Variants in ARHGAP32 observed in about 807,000 individuals in gnomAD.
The protein encoded by ARHGAP32 is Rho GTPase activating protein 32.
ARHGAP32 carries 51 observed loss-of-function variants against 186.5 expected under a neutral mutation model. That is an observed-to-expected ratio of 0.27 (90% CI 0.22 to 0.35). The LOEUF (loss-of-function observed/expected upper bound fraction) is 0.35, where lower values mean the gene tolerates loss of function less well. Ranked by LOEUF, ARHGAP32 falls within the 10% of genes least tolerant of loss-of-function variation. ARHGAP32 has a pLI of 1.00. For synonymous variants in ARHGAP32, 950 were observed against 964.3 expected, an observed-to-expected ratio of 0.99 and a Z score of 0.27; for missense variants, 2,186 against 2,623.5, an observed-to-expected ratio of 0.83 and a Z score of 3.64.
intron 6 of ARHGAP32, among the ~76,000 whole-genome samples, chr11:129,090,758 A>T (rs903159999): frequency 2.6e-5 from 4 of 152,178 alleles, no homozygotes; most frequent in African/African-American, 4.8e-5. Context: ...AGGACCTGGT[A>T]ACACTGATGT....
chr11:129,274,070 G>A (rs1377482478), intron 1 of ARHGAP32, among the ~76,000 whole-genome samples: 3 of 149,920 alleles, frequency 2.0e-5, no homozygotes, highest in African/African-American at 7.3e-5. Flanking sequence ...CTTCTATTCT[G>A]AACATTCAGA....
At chr11:129,260,608 C>T (rs557562040) in intron 1 of ARHGAP32, among the ~76,000 whole-genome samples, 1 of 152,202 alleles carries the variant, frequency 6.6e-6, no homozygotes, top group East Asian at 1.9e-4. Flanking sequence ...ATAATATTGT[C>T]TTTATCTATA....
intron 6 of ARHGAP32, among the ~76,000 whole-genome samples, chr11:129,069,130 C>T (rs1940790445): frequency 6.6e-6 from 1 of 152,030 alleles, no homozygotes. Flanking sequence ...TTAGGTACAG[C>T]ACAGCAAGCA....
chr11:129,255,172 G>C (rs1343555984), intron 1 of ARHGAP32, among the ~76,000 whole-genome samples: 2 of 152,130 alleles, frequency 1.3e-5, no homozygotes, highest in Non-Finnish European at 2.9e-5. Flanking sequence ...GAACAGCACA[G>C]TATTTGCTGA....
chr11:129,087,240 G>A (rs766398084), intron 6 of ARHGAP32, among the ~76,000 whole-genome samples: 8 of 152,140 alleles, frequency 5.3e-5, no homozygotes, highest in African/African-American at 9.7e-5. Flanking sequence ...CATGCTCCTT[G>A]GTGTTTACCC....
intron 11 of ARHGAP32, among the ~76,000 whole-genome samples, chr11:129,017,155 T>C (rs1938383829): frequency 6.6e-6 from 1 of 152,108 alleles, no homozygotes; most frequent in African/African-American, 2.4e-5. Flanking sequence ...TTCATTTTCC[T>C]CATCTATGAA....
chr11:129,229,879 G>A (rs1014596301), intron 1 of ARHGAP32, among the ~76,000 whole-genome samples: 4 of 152,004 alleles, frequency 2.6e-5, no homozygotes, highest in Admixed American at 1.3e-4. Flanking sequence ...GTAGAGTGGC[G>A]CGATCCCCTC....
Position 129,253,879 on chromosome 11 carries a change from A to C in ARHGAP32, c.-5+25267T>G, listed in dbSNP as rs1384254719. On this transcript the variant is annotated intron_variant, in intron 1 of 6. Transcript: ENST00000525234. ...CACCATATGTACCTGATCCACTAAC[A>C]GAGGAAAATTTCTGCCCATAATACA... is the stretch of plus-strand genomic sequence containing the variant. Among the ~76,000 whole-genome samples the C allele has an allele frequency of 3.3e-5, 5 of 152,272 alleles. No individual in the cohort carries two copies. The East Asian group carries it at 9.6e-4, about 29-fold the overall frequency.
intron 12 of ARHGAP32, among the ~76,000 whole-genome samples, chr11:128,988,985 C>T (rs1945958807): frequency 6.6e-6 from 1 of 152,062 alleles, no homozygotes. Flanking sequence ...TAATTAAAAT[C>T]CTTGAAAAGA....
chr11:129,179,342 G>T (rs1943995964), intron 1 of ARHGAP32, among the ~76,000 whole-genome samples: 1 of 152,190 alleles, frequency 6.6e-6, no homozygotes, highest in Non-Finnish European at 1.5e-5. Context: ...TTACACTGTT[G>T]CTGGGACTGT....
intron 11 of ARHGAP32, among the ~76,000 whole-genome samples, chr11:129,035,389 A>G (rs1428364146): frequency 6.6e-6 from 1 of 152,230 alleles, no homozygotes. Flanking sequence ...TCAGTCTCAA[A>G]CTATAGCTGT....
intron 2 of ARHGAP32, among the ~76,000 whole-genome samples, chr11:129,129,413 G>A (rs1161401206): frequency 6.9e-6 from 1 of 145,156 alleles, no homozygotes; most frequent in Non-Finnish European, 1.5e-5. Context: ...CCGGGAGGGA[G>A]GTAGGGGGCA....
At chr11:129,202,469 A>T (rs1464019818) in intron 1 of ARHGAP32, among the ~76,000 whole-genome samples, 2 of 152,200 alleles carry the variant, frequency 1.3e-5, no homozygotes, top group Non-Finnish European at 2.9e-5. Context: ...GTGCATAAAG[A>T]AGGCAATATT....
intron 1 of ARHGAP32, among the ~76,000 whole-genome samples, chr11:129,278,661 C>T (rs1195708693): frequency 6.6e-6 from 1 of 152,076 alleles, no homozygotes; most frequent in Non-Finnish European, 1.5e-5. Flanking sequence ...GGGAACTCCA[C>T]GGGAGCCTAA....
At chr11:129,145,024 C>G (rs990433125) in intron 2 of ARHGAP32, among the ~76,000 whole-genome samples, 1 of 152,126 alleles carries the variant, frequency 6.6e-6, no homozygotes, top group African/African-American at 2.4e-5. Context: ...AAATGTTATA[C>G]TTTTCTATAA....
intron 6 of ARHGAP32, among the ~76,000 whole-genome samples, chr11:129,067,906 T>C (rs1940747633): frequency 6.6e-6 from 1 of 152,050 alleles, no homozygotes; most frequent in South Asian, 2.1e-4. Flanking sequence ...CTTTGGACTG[T>C]AATCCTCCAC....
Position 129,045,595 on chromosome 11 carries a change from C to A in ARHGAP32, c.964-4586G>T, listed in dbSNP as rs1939775252. Among the ~76,000 whole-genome samples, 2 of 152,200 alleles carry A rather than the reference C, an allele frequency of 1.3e-5. 1 individual carries two copies. Among genetic ancestry groups the A allele is most frequent in the South Asian group, 4.1e-4 (2 of 4,832 alleles). On this transcript the variant is annotated intron_variant, in intron 10 of 22. Coordinates refer to ENST00000682385, the MANE Select transcript of ARHGAP32 (RefSeq NM_001378024.1). ...AACACTTATACTTTTCTAATGAATA[C>A]TTCACCTAAGATTTCACCAAATAGT...
At chr11:129,204,242 A>T (rs1204533633) in intron 1 of ARHGAP32, among the ~76,000 whole-genome samples, 1 of 151,968 alleles carries the variant, frequency 6.6e-6, no homozygotes, top group Non-Finnish European at 1.5e-5. Flanking sequence ...ATTCCTGCTC[A>T]CCGCTGTAAC....
At chr11:129,128,915 C>T (rs900965449) in intron 2 of ARHGAP32, among the ~76,000 whole-genome samples, 9 of 152,280 alleles carry the variant, frequency 5.9e-5, no homozygotes, top group African/African-American at 1.9e-4. Flanking sequence ...AGTGCAGTGG[C>T]GTGATCTCGG....
Sources: gnomAD v4.1 joint callset for allele counts (sites outside exome capture counted in the v4.1 genomes callset) on GRCh38, gnomAD v4.1.1 for gene constraint, MANE v1.5 for transcripts, NCBI Gene and HGNC (gene_info 2026-07-23, HGNC 2026-07-21) for gene names.